Variants in SNTG1 observed in about 807,000 individuals in gnomAD.
SNTG1 encodes the protein syntrophin gamma 1.
SNTG1 carries 39 observed loss-of-function variants against 74.7 expected under a neutral mutation model. The ratio of observed to expected loss-of-function variants is 0.52; its 90% CI spans 0.40 to 0.68. The LOEUF is 0.68. SNTG1 is among the 30% of genes least tolerant of loss of function. The probability of loss-of-function intolerance (pLI) is 0.00; values close to 1 mark genes in which losing one functional copy is unlikely to be tolerated. For missense variants in SNTG1, 685 were observed against 609.5 expected (o/e 1.12, Z -1.30); for synonymous variants, 254 against 217.1 (o/e 1.17, Z -1.49).
At chr8:50,240,016 G>C (rs930096395) in intron 2 of SNTG1, among the ~76,000 whole-genome samples, 1 of 152,156 alleles carries the variant, frequency 6.6e-6, no homozygotes, top group East Asian at 1.9e-4. Context: ...TTTGACTGCT[G>C]CAATGGGCAG....
At chr8:50,476,857 G>GACACAAACACACACACACACACAC (rs1554540526) in intron 8 of SNTG1, among the ~76,000 whole-genome samples, 1 of 145,862 alleles carries the variant, frequency 6.9e-6, no homozygotes, top group Non-Finnish European at 1.5e-5. Context: ...GACACACACA[G>GACACAAACACACACACACACACAC]ACACACACAC....
chr8:50,660,425 A>G (rs111696451), intron 15 of SNTG1, among the ~76,000 whole-genome samples: 5 of 2,788 alleles, frequency 1.8e-3, no homozygotes, highest in African/African-American at 4.9e-3. Flanking sequence ...AAAGAAAGAA[A>G]GAAGAAAGAA....
At chr8:50,454,653 C>A (rs1185294901) in intron 8 of SNTG1, among the ~76,000 whole-genome samples, 1 of 151,818 alleles carries the variant, frequency 6.6e-6, no homozygotes, top group Non-Finnish European at 1.5e-5. Flanking sequence ...ACCAGCCTGG[C>A]CAACATGGTG....
intron 13 of SNTG1, among the ~76,000 whole-genome samples, chr8:50,611,964 T>C (rs2094853374): frequency 6.6e-6 from 1 of 152,136 alleles, no homozygotes; most frequent in East Asian, 1.9e-4. Context: ...CCCCATGTTG[T>C]CCAGGCTGAT....
chr8:50,478,603 T>C (rs1024424480), intron 8 of SNTG1, among the ~76,000 whole-genome samples: 2 of 152,164 alleles, frequency 1.3e-5, no homozygotes, highest in African/African-American at 4.8e-5. Context: ...GGACATATAT[T>C]TTCAAATTTT....
At chr8:50,116,737 A>G (rs1202332602) in intron 1 of SNTG1, among the ~76,000 whole-genome samples, 3 of 152,144 alleles carry the variant, frequency 2.0e-5, no homozygotes, top group Admixed American at 6.6e-5. Context: ...CTCATTTTCC[A>G]TGAGCATTTT....
chr8:50,464,295 G>T (rs1156852902), intron 8 of SNTG1, among the ~76,000 whole-genome samples: 1 of 152,086 alleles, frequency 6.6e-6, no homozygotes, highest in African/African-American at 2.4e-5. Flanking sequence ...AACTGCTTGT[G>T]CAAGAAGCCT....
intron 1 of SNTG1, among the ~76,000 whole-genome samples, chr8:50,048,283 A>G (rs1453143061): frequency 6.6e-6 from 1 of 152,106 alleles, no homozygotes; most frequent in Non-Finnish European, 1.5e-5. Flanking sequence ...AAACCAAGAG[A>G]AAAAAAGAGA....
chr8:50,175,791 T>C (rs2082978512), intron 2 of SNTG1, among the ~76,000 whole-genome samples: 2 of 152,314 alleles, frequency 1.3e-5, no homozygotes, highest in South Asian at 4.1e-4. Context: ...GAAAAGTAGT[T>C]AATATTTTGT....
intron 1 of SNTG1, among the ~76,000 whole-genome samples, chr8:50,039,722 T>G (rs1412570689): frequency 6.6e-6 from 1 of 152,178 alleles, no homozygotes; most frequent in Non-Finnish European, 1.5e-5. Context: ...AGTGCTTTAA[T>G]GGATGTGAAT....
chr8:50,140,956 T>C (rs1226496726), intron 1 of SNTG1, among the ~76,000 whole-genome samples: 3 of 152,150 alleles, frequency 2.0e-5, no homozygotes, highest in African/African-American at 7.2e-5. Flanking sequence ...GTGTGCTCAT[T>C]GTCTGGTTTC....
intron 2 of SNTG1, among the ~76,000 whole-genome samples, chr8:50,214,005 A>G (rs2084651349): frequency 6.6e-6 from 1 of 151,906 alleles, no homozygotes; most frequent in African/African-American, 2.4e-5. Context: ...GTCCTTCCCC[A>G]TGCCTATGTC....
At chr8:50,299,194 C>T (rs921265126) in intron 2 of SNTG1, among the ~76,000 whole-genome samples, 1 of 151,900 alleles carries the variant, frequency 6.6e-6, no homozygotes, top group Non-Finnish European at 1.5e-5. Context: ...AGAGAAATAC[C>T]AAAAGTTTTC....
At position 50,796,178 on chromosome 8, in the gene SNTG1, C is replaced by T. The variant is rs577078943; in HGVS notation, c.*3349C>T. The T allele has an allele frequency of 6.4e-4, 98 of 152,032 alleles. No homozygotes were observed. Among genetic ancestry groups the T allele is most frequent in the African/African-American group, 2.2e-3 (92 of 41,500 alleles). The allele number at this position is 152,032 out of a possible 1,614,324, so 9.4% of individuals were successfully genotyped here. ...TACTGAGAAAAATTAATAATCCTAA[C>T]GATAATTTAGAATTACTGCTAGAAA... On this transcript the variant is annotated 3_prime_UTR_variant, in exon 19 of 19. Coordinates refer to ENST00000642720, the MANE Select transcript of SNTG1 (RefSeq NM_018967.5).
intron 17 of SNTG1, among the ~76,000 whole-genome samples, chr8:50,734,811 A>C (rs867271513): frequency 1.1e-5 from 1 of 94,714 alleles, no homozygotes; most frequent in Non-Finnish European, 2.1e-5. Flanking sequence ...ATATATAGAT[A>C]TCTATATATA....
At chr8:50,677,554 C>G (rs2095314043) in intron 15 of SNTG1, among the ~76,000 whole-genome samples, 1 of 151,918 alleles carries the variant, frequency 6.6e-6, no homozygotes, top group Admixed American at 6.6e-5. Context: ...TCAGGTTTTT[C>G]CATAACCTTT....
intron 13 of SNTG1, among the ~76,000 whole-genome samples, chr8:50,601,247 T>C (rs1035468990): frequency 2.0e-5 from 3 of 151,694 alleles, no homozygotes; most frequent in Non-Finnish European, 4.4e-5. Context: ...TTGTTTTTTA[T>C]GTAGGCACTT....
chr8:50,791,147 C>G (rs888810311), intron 18 of SNTG1, among the ~76,000 whole-genome samples: 1 of 151,802 alleles, frequency 6.6e-6, no homozygotes, highest in African/African-American at 2.4e-5. Context: ...AATAAACTGG[C>G]TACACCAAGC....
chr8:50,149,958 G>C (rs963002183), intron 1 of SNTG1, among the ~76,000 whole-genome samples: 3 of 152,092 alleles, frequency 2.0e-5, no homozygotes, highest in African/African-American at 7.2e-5. Flanking sequence ...GATGGGGATG[G>C]CATTGAATCT....
Sources: gnomAD v4.1 joint callset for allele counts (sites outside exome capture counted in the v4.1 genomes callset) on GRCh38, gnomAD v4.1.1 for gene constraint, MANE v1.5 for transcripts, NCBI Gene and HGNC (gene_info 2026-07-23, HGNC 2026-07-21) for gene names.